UNC13C: variants seen among roughly 807,000 people sequenced by gnomAD.
UNC13C encodes the protein unc-13 homolog C.
Under a neutral mutation model 245.4 loss-of-function variants are expected in UNC13C, and 174 were observed. That is an observed-to-expected ratio of 0.71 (90% CI 0.63 to 0.80). The LOEUF is 0.80. Among genes scored for constraint, UNC13C ranks in the 30% least tolerant of loss-of-function variants. The probability of loss-of-function intolerance (pLI) is 0.00; values close to 1 mark genes in which losing one functional copy is unlikely to be tolerated. For missense variants in UNC13C, 2,829 were observed against 2,602.9 expected (o/e 1.09, Z -1.89); for synonymous variants, 992 against 895.1 (o/e 1.11, Z -1.93).
chr15:53,873,329 T>G, the UNC13C span, among the ~76,000 whole-genome samples: 2 of 152,130 alleles, frequency 1.3e-5, no homozygotes, highest in South Asian at 4.1e-4. Context: ...CTTCTCATCC[T>G]GTCTCATTCC....
chr15:54,031,622 T>A lies in UNC13C; in HGVS notation c.2983+15736T>A, dbSNP rs1595740612. On this transcript the variant is annotated intron_variant, in intron 2 of 32. Coordinates refer to ENST00000260323, the MANE Select transcript of UNC13C (RefSeq NM_001080534.3). ...AGGGACATAGAACCAGAGCATTAGTTGTACCAAATATGTAGGAAGATGCAC... is the reference window on the plus strand; with the variant it reads ...AGGGACATAGAACCAGAGCATTAGTAGTACCAAATATGTAGGAAGATGCAC... 3.3e-5 allele frequency among the ~76,000 whole-genome samples: 5 copies of A among 152,326 alleles called. No homozygotes were observed. The South Asian group carries it at 1.0e-3, about 32-fold the overall frequency.
At chr15:54,218,552 C>T (rs2035114514) in intron 4 of UNC13C, among the ~76,000 whole-genome samples, 1 of 151,850 alleles carries the variant, frequency 6.6e-6, no homozygotes, top group South Asian at 2.1e-4. Context: ...ATGGCTGGAA[C>T]AATGAAGCTC....
At chr15:53,886,151 A>G in the UNC13C span, among the ~76,000 whole-genome samples, 45 of 152,318 alleles carry the variant, frequency 3.0e-4, no homozygotes, top group African/African-American at 9.1e-4. Context: ...CTATTGGTAT[A>G]TATAAGAAAT....
At chr15:54,425,692 T>A (rs977271729) in intron 19 of UNC13C, among the ~76,000 whole-genome samples, 7 of 151,862 alleles carry the variant, frequency 4.6e-5, no homozygotes, top group Non-Finnish European at 1.0e-4. Context: ...GTAGCTAAGG[T>A]TCAGAGAAGA....
intron 9 of UNC13C, among the ~76,000 whole-genome samples, chr15:54,264,888 A>G (rs2036515191): frequency 6.6e-6 from 1 of 151,920 alleles, no homozygotes; most frequent in Admixed American, 6.6e-5. Flanking sequence ...GCCTGTTAAC[A>G]TTTACCAAGA....
chr15:53,970,316 G>A, the UNC13C span, among the ~76,000 whole-genome samples: 51 of 152,222 alleles, frequency 3.4e-4, no homozygotes, highest in East Asian at 2.3e-3. Context: ...TGATCCACCC[G>A]CCTCAGCTTC....
At chr15:54,552,343 A>G in intron 28 of UNC13C, among the ~76,000 whole-genome samples, 1 of 118,862 alleles carries the variant, frequency 8.4e-6, no homozygotes, top group African/African-American at 3.2e-5. Context: ...ATTATATACA[A>G]TTATATTATA....
At chr15:54,354,195 C>A (rs1314373811) in intron 17 of UNC13C, among the ~76,000 whole-genome samples, 1 of 151,960 alleles carries the variant, frequency 6.6e-6, no homozygotes, top group Non-Finnish European at 1.5e-5. Flanking sequence ...AAAAGGATAA[C>A]AATAATTGCT....
chr15:54,423,958 ATT>A (rs1300915813), intron 19 of UNC13C, among the ~76,000 whole-genome samples: 1 of 151,924 alleles, frequency 6.6e-6, no homozygotes, highest in Admixed American at 6.6e-5. Flanking sequence ...AATTGAAAGA[ATT>A]GTTAAAATTA....
chr15:54,169,039 G>A (rs149296732), intron 4 of UNC13C, among the ~76,000 whole-genome samples: 7 of 152,274 alleles, frequency 4.6e-5, no homozygotes, highest in Admixed American at 1.3e-4. Context: ...TGCTGATAAA[G>A]TTTTTGTCAC....
intron 18 of UNC13C, among the ~76,000 whole-genome samples, chr15:54,400,261 G>A (rs182659498): frequency 6.6e-6 from 1 of 151,950 alleles, no homozygotes; most frequent in Non-Finnish European, 1.5e-5. Context: ...CTTTAAAGAA[G>A]ATTTTTTTTA....
the UNC13C span, among the ~76,000 whole-genome samples, chr15:53,879,567 T>A: frequency 6.6e-6 from 1 of 152,204 alleles, no homozygotes; most frequent in African/African-American, 2.4e-5. Context: ...ACTTGTTATT[T>A]TTTTTAAGTA....
intron 2 of UNC13C, among the ~76,000 whole-genome samples, chr15:54,016,683 T>G (rs1895676391): frequency 6.6e-6 from 1 of 152,238 alleles, no homozygotes; most frequent in South Asian, 2.1e-4. Flanking sequence ...TATGTAAATG[T>G]AAGAGTTTGT....
intron 2 of UNC13C, among the ~76,000 whole-genome samples, chr15:54,076,915 CT>C (rs1378167783): frequency 1.3e-5 from 2 of 152,070 alleles, no homozygotes; most frequent in Non-Finnish European, 1.5e-5. Flanking sequence ...TATAAAAATC[CT>C]CTTTGTAATA....
intron 2 of UNC13C, among the ~76,000 whole-genome samples, chr15:54,056,727 A>G (rs943913649): frequency 1.3e-5 from 2 of 152,202 alleles, no homozygotes; most frequent in African/African-American, 4.8e-5. Flanking sequence ...CGGGTTACCC[A>G]GAAAGGGAAG....
At chr15:54,093,821 AG>A (rs1420682603) in intron 2 of UNC13C, among the ~76,000 whole-genome samples, 2 of 152,216 alleles carry the variant, frequency 1.3e-5, no homozygotes, top group East Asian at 1.9e-4. Context: ...TGACAGCATG[AG>A]CCATGATTTA....
chr15:54,545,734 G>C (rs1319903946), intron 26 of UNC13C, among the ~76,000 whole-genome samples: 1 of 152,012 alleles, frequency 6.6e-6, no homozygotes, highest in East Asian at 1.9e-4. Flanking sequence ...ATTATTACTG[G>C]TCATTTGCAT....
intron 10 of UNC13C, among the ~76,000 whole-genome samples, chr15:54,275,642 G>T (rs1200855866): frequency 6.6e-6 from 1 of 151,998 alleles, no homozygotes; most frequent in Admixed American, 6.6e-5. Context: ...TACACTTCTA[G>T]TTGTCTCCTC....
chr15:54,293,440 G>C (rs761370399), intron 10 of UNC13C, among the ~76,000 whole-genome samples: 9 of 151,922 alleles, frequency 5.9e-5, no homozygotes, highest in Non-Finnish European at 1.3e-4. Context: ...GGGATTTTTA[G>C]TTTTTCAAGT....
Sources: allele counts gnomAD v4.1 joint callset (sites outside exome capture counted in the v4.1 genomes callset), GRCh38; gene constraint gnomAD v4.1.1; transcripts MANE v1.5; gene names NCBI Gene and HGNC (gene_info 2026-07-23, HGNC 2026-07-21).